Variants in DLG1 observed in about 807,000 individuals in gnomAD.
The protein encoded by DLG1 is disks large homolog 1.
In DLG1, 42 loss-of-function variants were observed where a neutral mutation model predicts 123.4. The observed-to-expected ratio is 0.34, with a 90% confidence interval of 0.27 to 0.44. The LOEUF is 0.44. Ranked by LOEUF, DLG1 falls within the 20% of genes least tolerant of loss-of-function variation. The probability of loss-of-function intolerance (pLI) is 1.00; values close to 1 mark genes in which losing one functional copy is unlikely to be tolerated. For synonymous variants in DLG1, 317 were observed against 356.2 expected (o/e 0.89, Z 1.24); for missense variants, 942 against 1,082.6 (o/e 0.87, Z 1.82).
intron 8 of DLG1, among the ~76,000 whole-genome samples, chr3:197,138,693 C>A (rs903197242): frequency 6.6e-6 from 1 of 152,258 alleles, no homozygotes; most frequent in South Asian, 2.1e-4. Flanking sequence ...TCTGTGTAGG[C>A]ATTAAGACAC....
intron 4 of DLG1, among the ~76,000 whole-genome samples, chr3:197,265,538 G>A (rs905756807): frequency 1.3e-5 from 2 of 152,174 alleles, no homozygotes; most frequent in African/African-American, 4.8e-5. Context: ...GAGCGGGACA[G>A]AAAAAGCTCC....
At chr3:197,152,013 A>G (rs1384168908) in intron 5 of DLG1, among the ~76,000 whole-genome samples, 2 of 152,192 alleles carry the variant, frequency 1.3e-5, no homozygotes, top group East Asian at 3.8e-4. Context: ...CTGTTGTCCA[A>G]GTTGGAACTA....
At chr3:197,183,896 A>G in intron 5 of DLG1, 2 of 1,477,424 alleles carry the variant, frequency 1.4e-6, no homozygotes, top group Non-Finnish European at 9.0e-7. Flanking sequence ...TGCAGCTACA[A>G]TTACAGCAGC....
intron 4 of DLG1, among the ~76,000 whole-genome samples, chr3:197,220,042 G>A (rs559160235): frequency 2.0e-5 from 3 of 152,160 alleles, no homozygotes; most frequent in East Asian, 1.9e-4. Flanking sequence ...TTATTCCATC[G>A]TCTCCACTGA....
At chr3:197,176,977 ATTT>A (rs1030281664) in intron 5 of DLG1, among the ~76,000 whole-genome samples, 7 of 151,306 alleles carry the variant, frequency 4.6e-5, no homozygotes, top group Admixed American at 1.3e-4. Flanking sequence ...TTTTTATATT[ATTT>A]TTTATTTATT....
chr3:197,099,723 C>T (rs1271653356), intron 14 of DLG1, among the ~76,000 whole-genome samples: 2 of 152,082 alleles, frequency 1.3e-5, no homozygotes, highest in South Asian at 2.1e-4. Flanking sequence ...ACATGCAATC[C>T]CTATAAAGAA....
intron 14 of DLG1, 144 bp from the exon 15 acceptor site, chr3:197,091,170 A>T: frequency 1.9e-6 from 1 of 520,702 alleles, no homozygotes; most frequent in Non-Finnish European, 3.3e-6. Context: ...GATTTTGCCC[A>T]ACACATAAAT....
chr3:197,120,627 C>G (rs1351434744), intron 11 of DLG1, among the ~76,000 whole-genome samples: 1 of 152,170 alleles, frequency 6.6e-6, no homozygotes, highest in Admixed American at 6.5e-5. Flanking sequence ...AGGGAAGCAG[C>G]ATACTACGCA....
Position 197,075,754 on chromosome 3 carries a change from C to A in DLG1, c.2005+832G>T. The A allele has an allele frequency of 2.4e-6, 3 of 1,263,370 alleles. No homozygotes were observed. In the Middle Eastern group the frequency reaches 5.7e-4, roughly 242 times the overall value. 78.3% of individuals were successfully genotyped at this position (1,263,370 alleles called of 1,614,324 possible). On this transcript the variant is annotated intron_variant, in intron 18 of 24. Transcript: ENST00000667157. Reference sequence around the variant, plus strand: ...ACCTCCTTATGCCAGAAAGGCACTACCATGAATCTCAAAATGTATCTGAAT... The same window carrying A: ...ACCTCCTTATGCCAGAAAGGCACTAACATGAATCTCAAAATGTATCTGAAT...
chr3:197,149,704 G>C, intron 6 of DLG1, 39 bp downstream of exon 6: 1 of 1,343,248 alleles, frequency 7.4e-7, no homozygotes, highest in African/African-American at 1.4e-5. Context: ...GAACAGGAAA[G>C]GCAGAATTAC....
At chr3:197,149,697 C>G (rs746876104) in intron 6 of DLG1, 46 bp downstream of exon 6, 1 of 1,245,564 alleles carries the variant, frequency 8.0e-7, no homozygotes, top group Non-Finnish European at 1.2e-6. Context: ...AAAAACGGAA[C>G]AGGAAAGGCA....
intron 4 of DLG1, among the ~76,000 whole-genome samples, chr3:197,200,222 T>C (rs1465213140): frequency 2.6e-5 from 4 of 152,168 alleles, no homozygotes; most frequent in South Asian, 2.1e-4. Context: ...TTTAATAAAA[T>C]ATTTAGTACA....
chr3:197,288,362 C>CAA (rs1290725400), intron 3 of DLG1, among the ~76,000 whole-genome samples: 3,948 of 45,376 alleles, frequency 0.087, 217 homozygotes, highest in Non-Finnish European at 0.11. Flanking sequence ...GACTCCGTCT[C>CAA]AAAAAAAAAA....
chr3:197,048,865 C>G lies in DLG1; in HGVS notation c.2575+2712G>C, dbSNP rs987340364. On this transcript the variant is annotated intron_variant, in intron 24 of 24. Coordinates refer to ENST00000667157, the MANE Select transcript of DLG1 (RefSeq NM_001366207.1). ...AGAAAAGGGGTTTCGCCATGTTGGTCAGGCTGGTCTCGGACTCCTGACCTC... is the reference window on the plus strand; with the variant it reads ...AGAAAAGGGGTTTCGCCATGTTGGTGAGGCTGGTCTCGGACTCCTGACCTC... 1.4e-4 allele frequency among the ~76,000 whole-genome samples: 22 copies of G among 152,232 alleles called. No individual in the cohort carries two copies. In the South Asian group the frequency reaches 4.4e-3, roughly 30 times the overall value.
intron 5 of DLG1, among the ~76,000 whole-genome samples, chr3:197,178,646 T>G (rs2150105690): frequency 6.6e-6 from 1 of 152,242 alleles, no homozygotes; most frequent in South Asian, 2.1e-4. Context: ...ATTTGAACAT[T>G]TAGCAGTAGG....
intron 4 of DLG1, among the ~76,000 whole-genome samples, chr3:197,211,760 T>C (rs1341008678): frequency 3.4e-5 from 5 of 146,314 alleles, no homozygotes; most frequent in Non-Finnish European, 7.7e-5. Flanking sequence ...ACTGGTTATA[T>C]ACCTAGAGGA....
At chr3:197,198,146 AC>A (rs1251523779) in intron 4 of DLG1, among the ~76,000 whole-genome samples, 5 of 57,962 alleles carry the variant, frequency 8.6e-5, no homozygotes, top group African/African-American at 2.8e-4. Context: ...AACAAAACAA[AC>A]AAAAAAATAC....
At chr3:197,113,743 T>C (rs114917038) in intron 13 of DLG1, among the ~76,000 whole-genome samples, 171 of 152,328 alleles carry the variant, frequency 1.1e-3, no homozygotes, top group African/African-American at 3.2e-3. Flanking sequence ...AAAGAAAATT[T>C]AAGCTGCTAT....
intron 4 of DLG1, among the ~76,000 whole-genome samples, chr3:197,264,758 A>G (rs1691883989): frequency 6.6e-6 from 1 of 152,136 alleles, no homozygotes; most frequent in South Asian, 2.1e-4. Flanking sequence ...CAGATCAGGG[A>G]TATTCAACCA....
Sources: allele counts gnomAD v4.1 joint callset (sites outside exome capture counted in the v4.1 genomes callset), GRCh38; gene constraint gnomAD v4.1.1; transcripts MANE v1.5; gene names NCBI Gene and HGNC (gene_info 2026-07-23, HGNC 2026-07-21).